Variants in ANK3 observed in about 807,000 individuals in gnomAD.
ANK3 encodes ankyrin-3.
In ANK3, 57 loss-of-function variants were observed where a neutral mutation model predicts 370.9. The ratio of observed to expected loss-of-function variants is 0.15; its 90% CI spans 0.12 to 0.19. ANK3 has a LOEUF of 0.19. ANK3 is among the 10% of genes least tolerant of loss of function. The probability of loss-of-function intolerance (pLI) is 1.00; values close to 1 mark genes in which losing one functional copy is unlikely to be tolerated. For missense variants in ANK3, 4,439 were observed against 5,302.1 expected, an observed-to-expected ratio of 0.84 and a Z score of 5.06; for synonymous variants, 1,929 against 1,946.3, an observed-to-expected ratio of 0.99 and a Z score of 0.23.
chr10:60,398,218 T>A (rs1594951652), intron 2 of ANK3, among the ~76,000 whole-genome samples: 1 of 152,236 alleles, frequency 6.6e-6, no homozygotes, highest in Non-Finnish European at 1.5e-5. Context: ...CCAAATATAC[T>A]CCTTGTTAAT....
chr10:60,612,934 A>G (rs1391874682), intron 2 of ANK3, among the ~76,000 whole-genome samples: 1 of 152,204 alleles, frequency 6.6e-6, no homozygotes, highest in Non-Finnish European at 1.5e-5. Context: ...ATAACCACAC[A>G]TTCATTTCAG....
At chr10:60,694,399 C>T (rs2079409910) in intron 1 of ANK3, among the ~76,000 whole-genome samples, 1 of 152,064 alleles carries the variant, frequency 6.6e-6, no homozygotes, top group South Asian at 2.1e-4. Context: ...ACAGATAACA[C>T]CACAAAGATA....
chr10:60,100,466 T>A (rs563706479), intron 28 of ANK3, among the ~76,000 whole-genome samples: 1 of 152,094 alleles, frequency 6.6e-6, no homozygotes. Flanking sequence ...ATGAACCCAA[T>A]TGGCAACTTC....
chr10:60,100,234 G>GTTTTTTTTTTTTTTTTTTTTTTTTT lies in ANK3; in HGVS notation c.3328+5670_3328+5671insAAAAAAAAAAAAAAAAAAAAAAAAA. Among the ~76,000 whole-genome samples the GTTTTTTTTTTTTTTTTTTTTTTTTT allele has an allele frequency of 1.6e-4, 9 of 57,900 alleles. 2 individuals carry two copies. The highest frequency in any genetic ancestry group is 6.0e-4 in the African/African-American group (7 of 11,736). The allele number at this position is 57,900 out of a possible 152,430, so 38.0% of individuals were successfully genotyped here. On this transcript the variant is annotated intron_variant, in intron 28 of 43. Coordinates refer to ENST00000280772, the MANE Select transcript of ANK3 (RefSeq NM_020987.5). ...GGCTGAAAGTCAGTATTTTGCTATGGTTTTTTTTTTTTTTTTTTTTTTGCA... is the reference window on the plus strand; with the variant it reads ...GGCTGAAAGTCAGTATTTTGCTATGGTTTTTTTTTTTTTTTTTTTTTTTTTTTTTTTTTTTTTTTTTTTTTTTGCA...
At chr10:60,478,754 G>C (rs2075135477) in intron 2 of ANK3, among the ~76,000 whole-genome samples, 1 of 152,014 alleles carries the variant, frequency 6.6e-6, no homozygotes, top group Non-Finnish European at 1.5e-5. Context: ...ACCAAATGGA[G>C]CATCTTAGTG....
intron 42 of ANK3, among the ~76,000 whole-genome samples, chr10:60,054,147 T>G (rs2078662871): frequency 6.6e-6 from 1 of 152,194 alleles, no homozygotes; most frequent in Non-Finnish European, 1.5e-5. Flanking sequence ...TTTATATGTG[T>G]TTGTATAGAA....
At chr10:60,431,554 A>T (rs2064023857) in intron 2 of ANK3, among the ~76,000 whole-genome samples, 2 of 152,194 alleles carry the variant, frequency 1.3e-5, no homozygotes, top group African/African-American at 4.8e-5. Flanking sequence ...TATTATTACC[A>T]TCATTAAAAT....
intron 2 of ANK3, among the ~76,000 whole-genome samples, chr10:60,603,881 C>G (rs1201064174): frequency 6.6e-6 from 1 of 152,114 alleles, no homozygotes; most frequent in Admixed American, 6.6e-5. Flanking sequence ...TTCTGAGGCA[C>G]ACTCCTCAGT....
At position 60,242,837 on chromosome 10, in the gene ANK3, T is replaced by C. The variant is rs372376931; in HGVS notation, c.799-8051A>G. Among the ~76,000 whole-genome samples, 16 of 152,338 alleles carry C rather than the reference T, an allele frequency of 1.1e-4. No homozygotes were observed. The South Asian group carries it at 1.9e-3, about 18-fold the overall frequency. ...TACTATCGAATGTTTTTCTTTATTTTACAGATGAGGAAATCTGTGAAAATC... is the reference window on the plus strand; with the variant it reads ...TACTATCGAATGTTTTTCTTTATTTCACAGATGAGGAAATCTGTGAAAATC... On this transcript the variant is annotated intron_variant, in intron 7 of 43. Transcript: ENST00000280772.
chr10:60,151,585 GAA>G (rs11330837), intron 23 of ANK3, among the ~76,000 whole-genome samples: 1 of 149,914 alleles, frequency 6.7e-6, no homozygotes, highest in African/African-American at 2.4e-5. Flanking sequence ...CAATGCAGAG[GAA>G]AAAAAAAAGT....
chr10:60,545,726 G>C (rs142752843), intron 2 of ANK3, among the ~76,000 whole-genome samples: 1 of 151,950 alleles, frequency 6.6e-6, no homozygotes, highest in Non-Finnish European at 1.5e-5. Context: ...CATACAGAGG[G>C]CACTATAAAT....
chr10:60,155,778 T>C (rs2095310598), intron 23 of ANK3, among the ~76,000 whole-genome samples: 1 of 152,156 alleles, frequency 6.6e-6, no homozygotes, highest in Non-Finnish European at 1.5e-5. Flanking sequence ...CTGAGTCTTC[T>C]GGCCTCCATC....
intron 2 of ANK3, among the ~76,000 whole-genome samples, chr10:60,543,307 G>T (rs755754921): frequency 1.3e-5 from 2 of 151,880 alleles, no homozygotes; most frequent in African/African-American, 2.4e-5. Flanking sequence ...CCTGTTTCTA[G>T]GAATGTATAC....
chr10:60,186,534 T>C (rs544596047), intron 17 of ANK3, 181 bp downstream of exon 17: 9 of 714,418 alleles, frequency 1.3e-5, no homozygotes, highest in African/African-American at 7.0e-5. Flanking sequence ...ATTTTTCTTA[T>C]TGTTTAAACA....
chr10:60,081,277 G>GT (rs2085156502), intron 35 of ANK3, among the ~76,000 whole-genome samples: 2 of 152,102 alleles, frequency 1.3e-5, no homozygotes, highest in Admixed American at 6.5e-5. Context: ...TAGAGACAGG[G>GT]TTTTGCCATG....
intron 2 of ANK3, among the ~76,000 whole-genome samples, chr10:60,452,783 T>C (rs1361523555): frequency 1.3e-5 from 2 of 152,238 alleles, no homozygotes; most frequent in Admixed American, 1.3e-4. Context: ...TCTCATTTGA[T>C]TTCTCCCTTT....
At chr10:60,431,652 T>C (rs2132979348) in intron 2 of ANK3, among the ~76,000 whole-genome samples, 1 of 151,772 alleles carries the variant, frequency 6.6e-6, no homozygotes, top group Middle Eastern at 3.4e-3. Flanking sequence ...TGTTAGCTGG[T>C]GGGGGGGCTA....
intron 1 of ANK3, among the ~76,000 whole-genome samples, chr10:60,628,861 A>G (rs1308554104): frequency 6.6e-6 from 1 of 152,222 alleles, no homozygotes; most frequent in Non-Finnish European, 1.5e-5. Context: ...GACAATTGAC[A>G]TGACATGCCT....
chr10:60,422,270 C>A (rs2063794517), intron 2 of ANK3, among the ~76,000 whole-genome samples: 1 of 152,094 alleles, frequency 6.6e-6, no homozygotes, highest in Admixed American at 6.6e-5. Context: ...AAAATTCATT[C>A]ATTCTTCCAT....
Sources: allele counts gnomAD v4.1 joint callset (sites outside exome capture counted in the v4.1 genomes callset), GRCh38; gene constraint gnomAD v4.1.1; transcripts MANE v1.5; gene names NCBI Gene and HGNC (gene_info 2026-07-23, HGNC 2026-07-21).